AP1G1: variants seen among roughly 807,000 people sequenced by gnomAD.
AP1G1 encodes AP-1 complex subunit gamma-1.
Under a neutral mutation model 108.3 loss-of-function variants are expected in AP1G1, and 7 were observed. That is an observed-to-expected ratio of 0.06 (90% CI 0.04 to 0.12). AP1G1 has a LOEUF of 0.12. Ranked by LOEUF, AP1G1 falls within the 10% of genes least tolerant of loss-of-function variation. AP1G1 has a pLI of 1.00. For synonymous variants in AP1G1, 379 were observed against 353.5 expected (o/e 1.07, Z -0.81); for missense variants, 756 against 1,010.7 (o/e 0.75, Z 3.42).
At chr16:71,807,857 G>C in intron 1 of AP1G1, 1 of 1,287,416 alleles carries the variant, frequency 7.8e-7, no homozygotes, top group Non-Finnish European at 1.0e-6. Context: ...TATATAATAG[G>C]GGAGAAAAAA....
In AP1G1 at chr16:71,775,328, G is replaced by A. The variant is rs1032746181; in HGVS notation, c.202-736C>T. Among the ~76,000 whole-genome samples, 26 of 152,102 alleles carry A rather than the reference G, an allele frequency of 1.7e-4. 1 individual carries two copies. Among genetic ancestry groups the A allele is most frequent in the South Asian group, 1.0e-3 (5 of 4,806 alleles). The stretch of plus-strand genomic sequence containing the variant: ...ATTACAGGCCTGAGCCACCGCGCCC[G>A]GCCAAACTACCTAAATCTTTTTAGA... On this transcript the variant is annotated intron_variant, in intron 2 of 22. Coordinates refer to ENST00000299980, the MANE Select transcript of AP1G1 (RefSeq NM_001128.6).
chr16:71,798,956 A>G (rs2142275977), intron 1 of AP1G1, among the ~76,000 whole-genome samples: 1 of 152,184 alleles, frequency 6.6e-6, no homozygotes. Context: ...AAGAATTAAC[A>G]TTCCATAAGC....
intron 2 of AP1G1, 23 bp from the exon 3 acceptor site, chr16:71,774,615 A>AT: frequency 6.4e-7 from 1 of 1,551,878 alleles, no homozygotes; most frequent in Non-Finnish European, 8.6e-7. Context: ...AAAAAAAAAA[A>AT]GAAGGAAATT....
At chr16:71,751,800 T>A (rs2030521939) in intron 13 of AP1G1, among the ~76,000 whole-genome samples, 1 of 152,100 alleles carries the variant, frequency 6.6e-6, no homozygotes, top group Non-Finnish European at 1.5e-5. Context: ...TCAAATAACA[T>A]AAATCATAGA....
chr16:71,744,901 C>T (rs1309089494), intron 19 of AP1G1, among the ~76,000 whole-genome samples: 1 of 152,144 alleles, frequency 6.6e-6, no homozygotes, highest in Non-Finnish European at 1.5e-5. Context: ...TATCTTAAAA[C>T]ACTATGAATA....
At chr16:71,772,653 C>A (rs2031621598) in intron 4 of AP1G1, among the ~76,000 whole-genome samples, 1 of 152,154 alleles carries the variant, frequency 6.6e-6, no homozygotes, top group Non-Finnish European at 1.5e-5. Context: ...CAGTAAATGC[C>A]AAACAGATCA....
At chr16:71,768,459 C>A (rs2031409465) in intron 6 of AP1G1, among the ~76,000 whole-genome samples, 1 of 129,976 alleles carries the variant, frequency 7.7e-6, no homozygotes, top group Non-Finnish European at 1.5e-5. Flanking sequence ...CAAGATTGCA[C>A]CACTGCACCT....
chr16:71,746,232 G>A (rs1421525917), intron 17 of AP1G1, among the ~76,000 whole-genome samples: 1 of 152,104 alleles, frequency 6.6e-6, no homozygotes, highest in African/African-American at 2.4e-5. Flanking sequence ...GGATGGTCTC[G>A]ATCTCTTGAC....
At chr16:71,746,811 AATTTATATAGTTTTTC>A in intron 16 of AP1G1, 119 bp from the exon 17 acceptor site, 1 of 666,678 alleles carries the variant, frequency 1.5e-6, no homozygotes, top group Non-Finnish European at 2.5e-6. Context: ...ATTTTTTCTT[AATTTATATAGTTTTTC>A]AAAAACAAAA....
intron 1 of AP1G1, among the ~76,000 whole-genome samples, chr16:71,805,858 A>G (rs1311853989): frequency 6.6e-6 from 1 of 151,770 alleles, no homozygotes; most frequent in African/African-American, 2.4e-5. Flanking sequence ...CTATCTATAC[A>G]AAAAATACAA....
At chr16:71,799,334 T>C (rs2032700079) in intron 1 of AP1G1, among the ~76,000 whole-genome samples, 1 of 152,232 alleles carries the variant, frequency 6.6e-6, no homozygotes, top group African/African-American at 2.4e-5. Context: ...TAAGGCGGCA[T>C]GTACAAGGAT....
chr16:71,786,526 T>C (rs908753977), intron 2 of AP1G1, among the ~76,000 whole-genome samples: 3 of 152,054 alleles, frequency 2.0e-5, no homozygotes, highest in African/African-American at 7.2e-5. Context: ...AGTGGCACGA[T>C]CTCAGCTCAC....
intron 2 of AP1G1, among the ~76,000 whole-genome samples, chr16:71,783,244 A>C (rs765882988): frequency 6.6e-5 from 10 of 152,230 alleles, no homozygotes; most frequent in Non-Finnish European, 1.0e-4. Flanking sequence ...ATAAGAAAAT[A>C]AGAAAATGTA....
At chr16:71,796,558 T>C (rs1243767832) in intron 1 of AP1G1, among the ~76,000 whole-genome samples, 4 of 152,132 alleles carry the variant, frequency 2.6e-5, no homozygotes, top group African/African-American at 9.7e-5. Context: ...TATTATAACT[T>C]ACAAATCAGT....
chr16:71,754,293 G>A (rs1373848015), intron 12 of AP1G1, among the ~76,000 whole-genome samples: 1 of 146,578 alleles, frequency 6.8e-6, no homozygotes. Context: ...AGGAAAGAAG[G>A]AAGGAAGGAA....
chr16:71,781,245 T>C (rs980760938), intron 2 of AP1G1, among the ~76,000 whole-genome samples: 3 of 152,200 alleles, frequency 2.0e-5, no homozygotes, highest in African/African-American at 7.2e-5. Context: ...ATAAAATCTA[T>C]ATAGACCAGA....
At chr16:71,789,581 T>C in intron 1 of AP1G1, 99 bp from the exon 2 acceptor site, 2 of 1,249,268 alleles carry the variant, frequency 1.6e-6, no homozygotes, top group Non-Finnish European at 2.2e-6. Flanking sequence ...TTTTTAAGAA[T>C]TCAAGACTTG....
At chr16:71,787,147 C>T (rs938594705) in intron 2 of AP1G1, among the ~76,000 whole-genome samples, 9 of 151,266 alleles carry the variant, frequency 5.9e-5, no homozygotes, top group African/African-American at 1.5e-4. Context: ...GGTAACATTC[C>T]GTCTCTACTA....
intron 1 of AP1G1, chr16:71,808,426 C>A (rs554640345): frequency 2.4e-5 from 28 of 1,160,048 alleles, no homozygotes; most frequent in Non-Finnish European, 1.1e-6. Context: ...TGGGGCCCGC[C>A]CCGCTAAACC....
Sources: gnomAD v4.1 joint callset for allele counts (sites outside exome capture counted in the v4.1 genomes callset) on GRCh38, gnomAD v4.1.1 for gene constraint, MANE v1.5 for transcripts, NCBI Gene and HGNC (gene_info 2026-07-23, HGNC 2026-07-21) for gene names.